Variants in PRKD1 observed in about 807,000 individuals in gnomAD.
PRKD1 encodes protein kinase D1.
PRKD1 carries 63 observed loss-of-function variants against 95.9 expected under a neutral mutation model. That is an observed-to-expected ratio of 0.66 (90% CI 0.54 to 0.81). PRKD1 has a LOEUF of 0.81. Among genes scored for constraint, PRKD1 ranks in the 30% least tolerant of loss-of-function variants. The pLI, the probability that PRKD1 is intolerant of heterozygous loss-of-function variation, is 0.00. For missense variants in PRKD1, 1,048 were observed against 1,165.3 expected (o/e 0.90, Z 1.47); for synonymous variants, 425 against 423.1 (o/e 1.00, Z -0.05).
intron 1 of PRKD1, among the ~76,000 whole-genome samples, chr14:29,808,104 CTT>C (rs573849103): frequency 6.6e-6 from 1 of 152,120 alleles, no homozygotes; most frequent in African/African-American, 2.4e-5. Context: ...GCATGTGATG[CTT>C]TTTGATGGCA....
chr14:29,833,921 CAA>C (rs1007033978), intron 1 of PRKD1, among the ~76,000 whole-genome samples: 29 of 152,018 alleles, frequency 1.9e-4, no homozygotes, highest in Non-Finnish European at 3.2e-4. Flanking sequence ...GAAAAGCTCT[CAA>C]GAGAGTAGCT....
chr14:29,737,554 G>A (rs1594472664), intron 1 of PRKD1, among the ~76,000 whole-genome samples: 1 of 152,052 alleles, frequency 6.6e-6, no homozygotes, highest in Non-Finnish European at 1.5e-5. Flanking sequence ...CCCCCTTAAT[G>A]AGCAAAGAAA....
At chr14:29,621,568 G>A (rs1879269627) in intron 13 of PRKD1, among the ~76,000 whole-genome samples, 1 of 151,988 alleles carries the variant, frequency 6.6e-6, no homozygotes, top group Non-Finnish European at 1.5e-5. Context: ...CCTATTATCT[G>A]TATATGATTA....
chr14:29,698,376 T>G (rs546872940), intron 2 of PRKD1, among the ~76,000 whole-genome samples: 1 of 152,240 alleles, frequency 6.6e-6, no homozygotes, highest in South Asian at 2.1e-4. Context: ...GTTTTGAAAT[T>G]TCACAAAGCA....
intron 1 of PRKD1, among the ~76,000 whole-genome samples, chr14:29,912,128 C>A (rs1390729109): frequency 6.6e-6 from 1 of 152,134 alleles, no homozygotes; most frequent in East Asian, 1.9e-4. Context: ...AGGTCTTATG[C>A]GATTGGACTG....
At chr14:29,770,981 AAATT>A (rs1024226042) in intron 1 of PRKD1, among the ~76,000 whole-genome samples, 1 of 151,808 alleles carries the variant, frequency 6.6e-6, no homozygotes, top group Non-Finnish European at 1.5e-5. Flanking sequence ...GAAAAGAAGA[AAATT>A]AAAGAAAAAG....
At chr14:29,653,809 C>T (rs1881664912) in intron 4 of PRKD1, among the ~76,000 whole-genome samples, 1 of 151,998 alleles carries the variant, frequency 6.6e-6, no homozygotes, top group African/African-American at 2.4e-5. Flanking sequence ...CTATAAGCAA[C>T]CAATAAGCAA....
chr14:29,672,427 C>CAAT (rs1193881354), intron 2 of PRKD1, among the ~76,000 whole-genome samples: 2 of 151,762 alleles, frequency 1.3e-5, no homozygotes, highest in Non-Finnish European at 2.9e-5. Flanking sequence ...CTACTTGAAA[C>CAAT]AATATTTCCT....
At chr14:29,754,541 T>C (rs562078974) in intron 1 of PRKD1, among the ~76,000 whole-genome samples, 2 of 152,248 alleles carry the variant, frequency 1.3e-5, no homozygotes, top group Non-Finnish European at 2.9e-5. Context: ...TTTTACTTTT[T>C]CCATATAGTA....
intron 1 of PRKD1, among the ~76,000 whole-genome samples, chr14:29,825,090 A>G (rs1891058323): frequency 6.6e-6 from 1 of 152,112 alleles, no homozygotes; most frequent in Non-Finnish European, 1.5e-5. Context: ...TAAGACTTTT[A>G]GTTCAAAATC....
chr14:29,777,998 A>C (rs1888852548), intron 1 of PRKD1, among the ~76,000 whole-genome samples: 1 of 152,196 alleles, frequency 6.6e-6, no homozygotes, highest in African/African-American at 2.4e-5. Flanking sequence ...ACTCATTCAA[A>C]ACCACTCAAC....
chr14:29,749,357 T>C (rs906805689), intron 1 of PRKD1, among the ~76,000 whole-genome samples: 1 of 152,092 alleles, frequency 6.6e-6, no homozygotes, highest in African/African-American at 2.4e-5. Context: ...AACCCCAGGA[T>C]AGAAGTTTTG....
intron 1 of PRKD1, among the ~76,000 whole-genome samples, chr14:29,760,397 G>A (rs1887921839): frequency 7.5e-6 from 1 of 132,758 alleles, no homozygotes; most frequent in Admixed American, 8.7e-5. Context: ...GCTCCGTTGT[G>A]CAGGCTGGAG....
chr14:29,722,095 TC>T (rs1413377503), intron 2 of PRKD1, among the ~76,000 whole-genome samples: 1 of 152,218 alleles, frequency 6.6e-6, no homozygotes, highest in Non-Finnish European at 1.5e-5. Flanking sequence ...ATTTTTTCTC[TC>T]ATTTTTACTG....
At chr14:29,664,670 A>G (rs1384709990) in intron 3 of PRKD1, among the ~76,000 whole-genome samples, 1 of 152,208 alleles carries the variant, frequency 6.6e-6, no homozygotes, top group Non-Finnish European at 1.5e-5. Context: ...ATGCTCAGTT[A>G]TATTTGTCAA....
At chr14:29,873,096 T>C (rs1485887932) in intron 1 of PRKD1, among the ~76,000 whole-genome samples, 6 of 152,200 alleles carry the variant, frequency 3.9e-5, no homozygotes, top group Admixed American at 2.0e-4. Flanking sequence ...TTTTACTTTT[T>C]ATTTTTTGAG....
intron 1 of PRKD1, among the ~76,000 whole-genome samples, chr14:29,727,502 T>A (rs535678138): frequency 5.0e-4 from 76 of 151,740 alleles, no homozygotes; most frequent in African/African-American, 1.7e-3. Context: ...TGCCTAGGTT[T>A]TCTTCTAGGG....
Position 29,846,280 on chromosome 14 carries a change from A to G in PRKD1, c.264+80969T>C, listed in dbSNP as rs72660431. Among the ~76,000 whole-genome samples, 484 of 152,342 alleles carry G rather than the reference A, an allele frequency of 3.2e-3. 2 individuals are homozygous for G. The highest frequency in any genetic ancestry group is 0.014 in the South Asian group (67 of 4,826). ...AATATAAATACAATTTCAGGTGGTA[A>G]TAAGTGCTCCAAAAAAACTGATAAG... On this transcript the variant is annotated intron_variant, in intron 1 of 17. Transcript: ENST00000331968.
chr14:29,648,924 G>A (rs992878120), intron 4 of PRKD1, among the ~76,000 whole-genome samples: 1 of 152,230 alleles, frequency 6.6e-6, no homozygotes, highest in Non-Finnish European at 1.5e-5. Flanking sequence ...AAAGTGCTGG[G>A]ATTACAGGCG....
Sources: gnomAD v4.1 joint callset for allele counts (sites outside exome capture counted in the v4.1 genomes callset) on GRCh38, gnomAD v4.1.1 for gene constraint, MANE v1.5 for transcripts, NCBI Gene and HGNC (gene_info 2026-07-23, HGNC 2026-07-21) for gene names.